CFAP44: variants seen among roughly 807,000 people sequenced by gnomAD.
The protein encoded by CFAP44 is cilia- and flagella-associated protein 44.
CFAP44 carries 134 observed loss-of-function variants against 216.2 expected under a neutral mutation model. The ratio of observed to expected loss-of-function variants is 0.62; its 90% CI spans 0.54 to 0.72. The LOEUF (loss-of-function observed/expected upper bound fraction) is 0.72, where lower values mean the gene tolerates loss of function less well. CFAP44 is among the 30% of genes least tolerant of loss of function. The pLI, the probability that CFAP44 is intolerant of heterozygous loss-of-function variation, is 0.00. For missense variants in CFAP44, 2,035 were observed against 2,182.1 expected (o/e 0.93, Z 1.34); for synonymous variants, 700 against 727.6 (o/e 0.96, Z 0.61).
chr3:113,409,367 T>C, intron 6 of CFAP44, 45 bp from the exon 7 acceptor site: 2 of 1,542,924 alleles, frequency 1.3e-6, no homozygotes, highest in Non-Finnish European at 1.8e-6. Flanking sequence ...CACATTTATT[T>C]CATTTTCAAA....
intron 1 of CFAP44, among the ~76,000 whole-genome samples, chr3:113,436,784 T>C (rs1291747288): frequency 1.3e-5 from 2 of 152,240 alleles, no homozygotes; most frequent in Non-Finnish European, 2.9e-5. Flanking sequence ...ATGAAAATTT[T>C]TCATCTGTGA....
chr3:113,433,705 G>T, intron 1 of CFAP44, 36 bp from the exon 2 acceptor site: 2 of 1,489,610 alleles, frequency 1.3e-6, no homozygotes, highest in Non-Finnish European at 1.9e-6. Context: ...TATGGATAAA[G>T]CTGTAAAATT....
At chr3:113,360,534 T>C (rs1410685464) in intron 21 of CFAP44, 3 of 217,456 alleles carry the variant, frequency 1.4e-5, no homozygotes, top group Non-Finnish European at 3.1e-5. Flanking sequence ...TCATCTTTTA[T>C]ACACTGTTAG....
chr3:113,294,127 A>G (rs775217), intron 34 of CFAP44: 330,391 of 451,582 alleles, frequency 0.73, 123,062 homozygotes, highest in Admixed American at 0.83. Flanking sequence ...TAGAGTTTGG[A>G]ATATGCTATA....
chr3:113,294,830 G>A lies in CFAP44; in HGVS notation c.5239-9C>T, dbSNP rs1231485418. On this transcript the variant is annotated splice_polypyrimidine_tract_variant and intron_variant, in intron 33 of 34. Coordinates refer to ENST00000393845, the MANE Select transcript of CFAP44 (RefSeq NM_001164496.2). ...ATTTGAGCAATCTTTTCCTACCAGGGTGGGAAGATGCAAAATAGATGTAGT... is the reference window on the plus strand; with the variant it reads ...ATTTGAGCAATCTTTTCCTACCAGGATGGGAAGATGCAAAATAGATGTAGT... The A allele has an allele frequency of 6.6e-7, 1 of 1,521,524 alleles. No homozygotes were observed. The highest frequency in any genetic ancestry group is 8.8e-7 in the Non-Finnish European group (1 of 1,141,684). 94.3% of individuals were successfully genotyped at this position (1,521,524 alleles called of 1,614,324 possible).
chr3:113,366,296 T>C lies in CFAP44; in HGVS notation c.2458A>G (p.Met820Val), dbSNP rs74521061. 49,329 of 1,596,420 alleles carry C rather than the reference T, an allele frequency of 0.031. 926 individuals are homozygous for C. The highest frequency in any genetic ancestry group is 0.037 in the Non-Finnish European group (42,758 of 1,167,128). ...CCATTTTTCATTCCACAAAACATCA[T>C]AACTTTGTTAATGCTACGAAACAAA... The part of the protein sequence containing the change: ...QTITFNINKV[M>V]MFCGMKNGAI... The change falls in exon 19 of 35, where the codon ATG (methionine) becomes GTG (valine). Residue 820 changes from methionine (M) to valine (V), a missense_variant. Met to Val is a conservative substitution (Grantham distance 21). This residue lies in a region of CFAP44 where 1,883 missense variants were observed against 2,023.7 expected (regional missense o/e 0.93). Coordinates refer to ENST00000393845, the MANE Select transcript of CFAP44 (RefSeq NM_001164496.2).
intron 15 of CFAP44, 129 bp downstream of exon 15, chr3:113,395,621 C>A: frequency 1.4e-6 from 1 of 698,342 alleles, no homozygotes; most frequent in Non-Finnish European, 2.3e-6. Flanking sequence ...TTTCTGTTGC[C>A]GCATCCCTGA....
intron 21 of CFAP44, among the ~76,000 whole-genome samples, chr3:113,360,112 A>G (rs769286823): frequency 9.2e-5 from 14 of 152,124 alleles, no homozygotes; most frequent in Non-Finnish European, 1.8e-4. Context: ...GGTAAATCCA[A>G]TAGTAAACTT....
chr3:113,320,487 A>C, intron 28 of CFAP44, among the ~76,000 whole-genome samples: 1 of 100,626 alleles, frequency 9.9e-6, no homozygotes, highest in East Asian at 2.9e-4. Flanking sequence ...TATATGATAT[A>C]TAGATGTAAT....
chr3:113,379,272 T>G (rs1176716569), intron 17 of CFAP44, 34 bp downstream of exon 17: 1 of 1,432,862 alleles, frequency 7.0e-7, no homozygotes, highest in African/African-American at 1.4e-5. Context: ...TATTGAAATA[T>G]GATTGAGGTA....
At chr3:113,439,185 A>G (rs919101261) in intron 1 of CFAP44, among the ~76,000 whole-genome samples, 27 of 152,110 alleles carry the variant, frequency 1.8e-4, no homozygotes, top group Admixed American at 1.6e-3. Context: ...CTTTCAACTA[A>G]CTCATTAGAT....
Position 113,427,213 on chromosome 3 carries a change from T to C in CFAP44, c.227A>G (p.Gln76Arg), listed in dbSNP as rs1201568224. The C allele has an allele frequency of 6.2e-7, 1 of 1,613,138 alleles. No homozygotes were observed. Among genetic ancestry groups the C allele is most frequent in the African/African-American group, 1.3e-5 (1 of 74,900 alleles). ...ERLEGSLSSF[Q>R]YGDLQSTTVP... is the part of the protein sequence containing the mutation. ...TGTAGTGCTTTGCAAATCACCATAC[T>C]GAAATGAACTCAAACTTCCTTCCAA... is the stretch of plus-strand genomic sequence containing the variant. The change falls in exon 3 of 35, where the codon CAG (glutamine) becomes CGG (arginine). Residue 76 changes from glutamine to arginine, a missense_variant. Gln to Arg is a conservative substitution (Grantham distance 43, BLOSUM62 1). Transcript: ENST00000393845.
chr3:113,401,325 A>C (rs765175518), intron 10 of CFAP44, 38 bp from the exon 11 acceptor site: 1 of 1,533,726 alleles, frequency 6.5e-7, no homozygotes, highest in South Asian at 1.3e-5. Context: ...TATCATTTTA[A>C]ACTTTCATCA....
At chr3:113,319,539 A>G (rs1950122028) in intron 28 of CFAP44, among the ~76,000 whole-genome samples, 1 of 152,164 alleles carries the variant, frequency 6.6e-6, no homozygotes, top group Non-Finnish European at 1.5e-5. Context: ...AAGGCAGAAA[A>G]CTAACAAAAA....
intron 16 of CFAP44, 93 bp downstream of exon 16, chr3:113,380,806 C>A: frequency 9.0e-7 from 1 of 1,106,180 alleles, no homozygotes; most frequent in Non-Finnish European, 1.2e-6. Context: ...ATGTTTTATT[C>A]TTTTGTGTAT....
intron 28 of CFAP44, among the ~76,000 whole-genome samples, chr3:113,310,118 G>A (rs946793744): frequency 2.6e-5 from 4 of 152,162 alleles, no homozygotes; most frequent in African/African-American, 4.8e-5. Flanking sequence ...AGAAGGGCAA[G>A]CAGGGAGCCA....
At chr3:113,411,523 G>GT (rs1934472352) in intron 6 of CFAP44, among the ~76,000 whole-genome samples, 1 of 152,176 alleles carries the variant, frequency 6.6e-6, no homozygotes. Context: ...TTTAGTACCA[G>GT]TACCATGCTG....
intron 28 of CFAP44, among the ~76,000 whole-genome samples, chr3:113,312,150 C>A (rs1202418923): frequency 1.3e-5 from 2 of 149,744 alleles, no homozygotes; most frequent in Non-Finnish European, 3.0e-5. Context: ...CCACTCACTG[C>A]AAGCTCTGCC....
intron 6 of CFAP44, among the ~76,000 whole-genome samples, chr3:113,410,515 T>C (rs1934435099): frequency 6.6e-6 from 1 of 152,262 alleles, no homozygotes; most frequent in South Asian, 2.1e-4. Flanking sequence ...TCCATGGTTA[T>C]ATGTGCCACA....
Sources: gnomAD v4.1 joint callset for allele counts (sites outside exome capture counted in the v4.1 genomes callset) on GRCh38, gnomAD v4.1.1 for gene constraint, gnomAD v4.1.1 regional missense constraint, MANE v1.5 for transcripts, NCBI Gene and HGNC (gene_info 2026-07-23, HGNC 2026-07-21) for gene names.